The following LRRK1 variants were observed in gnomAD, a reference collection of about 807,000 sequenced individuals.
LRRK1 encodes the protein leucine-rich repeat serine/threonine-protein kinase 1.
Under a neutral mutation model 209.1 loss-of-function variants are expected in LRRK1, and 113 were observed. The observed-to-expected ratio is 0.54, with a 90% CI of 0.46 to 0.63. LRRK1 has a LOEUF of 0.63. Among genes scored for constraint, LRRK1 ranks in the 30% least tolerant of loss-of-function variants. The probability of loss-of-function intolerance (pLI) is 0.00; values close to 1 mark genes in which losing one functional copy is unlikely to be tolerated. For missense variants in LRRK1, 2,284 were observed against 2,632.2 expected, an observed-to-expected ratio of 0.87 and a Z score of 2.89; for synonymous variants, 1,144 against 1,099.7, an observed-to-expected ratio of 1.04 and a Z score of -0.80.
intron 20 of LRRK1, among the ~76,000 whole-genome samples, chr15:101,043,145 G>A (rs1213247274): frequency 2.0e-5 from 3 of 152,206 alleles, no homozygotes; most frequent in Non-Finnish European, 4.4e-5. Context: ...AGAACACGTC[G>A]CCACTCTGCG....
At chr15:100,985,745 G>T (rs776146372) in intron 4 of LRRK1, among the ~76,000 whole-genome samples, 5 of 152,252 alleles carry the variant, frequency 3.3e-5, no homozygotes, top group Admixed American at 6.5e-5. Flanking sequence ...TCTGAGCAAA[G>T]CTGCTGAGGA....
rs373072195 is a variant in LRRK1 at position 101,058,007 on chromosome 15, G to T, written c.4545G>T (p.Ser1515=). 1.9e-6 allele frequency: 3 copies of T among 1,614,154 alleles called. No individual in the cohort carries two copies. The highest frequency in any genetic ancestry group is 2.5e-6 in the Non-Finnish European group (3 of 1,180,008). ...TKPEKRPLAL[S]VVSQMKDPTF... ...TCCCTCAGCGACCGCTGGCCCTGTC[G>T]GTGGTGAGCCAGATGAAGGACCCGA... The change falls in exon 29 of 34, where the codon TCG becomes TCT. Residue 1515 remains serine (S), a synonymous_variant. Transcript: ENST00000388948.
intron 2 of LRRK1, among the ~76,000 whole-genome samples, chr15:100,927,372 C>T (rs1397910531): frequency 6.6e-6 from 1 of 152,220 alleles, no homozygotes; most frequent in Admixed American, 6.5e-5. Flanking sequence ...GAGCTTGGCA[C>T]TGCTCCTTAG....
rs1395843037 is a variant in LRRK1 at position 101,074,807 on chromosome 15, G to C, written c.*5959G>C. ...CCAGAACCTCCTCCCCCAGGAGCTTGCTACAAGTGCCAGAAATCTGGCCAC... is the reference window on the plus strand; with the variant it reads ...CCAGAACCTCCTCCCCCAGGAGCTTCCTACAAGTGCCAGAAATCTGGCCAC... On this transcript the variant is annotated 3_prime_UTR_variant, in exon 34 of 34. Coordinates refer to ENST00000388948, the MANE Select transcript of LRRK1 (RefSeq NM_024652.6). 6.6e-6 allele frequency: 1 copy of C among 152,048 alleles called. No homozygotes were observed. The highest frequency in any genetic ancestry group is 1.5e-5 in the Non-Finnish European group (1 of 68,018). The allele number at this position is 152,048 out of a possible 1,614,324, so 9.4% of individuals were successfully genotyped here.
intron 20 of LRRK1, among the ~76,000 whole-genome samples, chr15:101,030,225 C>T (rs1208545607): frequency 2.0e-5 from 3 of 152,144 alleles, no homozygotes; most frequent in African/African-American, 4.8e-5. Context: ...CCTCTCCTGT[C>T]CTCTGCTGAC....
chr15:100,942,997 C>T (rs2042472072), intron 2 of LRRK1, among the ~76,000 whole-genome samples: 1 of 152,166 alleles, frequency 6.6e-6, no homozygotes, highest in Non-Finnish European at 1.5e-5. Flanking sequence ...TTGGAAGGTG[C>T]TTTTTTCCCG....
chr15:101,046,598 C>T (rs1014877115), intron 21 of LRRK1, among the ~76,000 whole-genome samples: 2 of 152,234 alleles, frequency 1.3e-5, no homozygotes, highest in East Asian at 1.9e-4. Flanking sequence ...CCTGGCTGCA[C>T]GCTAGACTCG....
At chr15:100,930,189 G>A (rs909419525) in intron 2 of LRRK1, among the ~76,000 whole-genome samples, 5 of 152,148 alleles carry the variant, frequency 3.3e-5, no homozygotes, top group African/African-American at 7.2e-5. Flanking sequence ...TAGACAGATC[G>A]GAATCCCTTA....
chr15:101,066,779 C>A, intron 33 of LRRK1, 38 bp downstream of exon 33: 1 of 1,529,688 alleles, frequency 6.5e-7, no homozygotes, highest in Non-Finnish European at 9.1e-7. Context: ...ACCCAGGCAG[C>A]AGCATGAGCA....
chr15:101,044,615 C>T (rs1269597876), intron 20 of LRRK1, among the ~76,000 whole-genome samples: 1 of 152,224 alleles, frequency 6.6e-6, no homozygotes, highest in Admixed American at 6.5e-5. Flanking sequence ...AACCTCTGCC[C>T]TCAAAAACAT....
chr15:100,947,823 C>T (rs773420571), intron 2 of LRRK1, among the ~76,000 whole-genome samples: 3 of 152,172 alleles, frequency 2.0e-5, no homozygotes, highest in Non-Finnish European at 4.4e-5. Context: ...AGATGCAGAA[C>T]ATGATTATCG....
At chr15:101,005,601 T>A (rs1179427707) in intron 6 of LRRK1, among the ~76,000 whole-genome samples, 1 of 152,206 alleles carries the variant, frequency 6.6e-6, no homozygotes, top group African/African-American at 2.4e-5. Flanking sequence ...GGTTTCTAAA[T>A]ACCAATTTTT....
At chr15:100,945,135 T>C (rs1376259181) in intron 2 of LRRK1, among the ~76,000 whole-genome samples, 1 of 152,250 alleles carries the variant, frequency 6.6e-6, no homozygotes, top group African/African-American at 2.4e-5. Flanking sequence ...TAATGCCAGA[T>C]GTCTGTTCCC....
At chr15:100,945,579 C>A (rs887706277) in intron 2 of LRRK1, among the ~76,000 whole-genome samples, 2 of 147,730 alleles carry the variant, frequency 1.4e-5, no homozygotes, top group African/African-American at 5.0e-5. Flanking sequence ...CTGCAACCTC[C>A]GCCTCCTGGG....
In LRRK1 at chr15:101,068,906, CCCTCTG is replaced by C; in HGVS notation, c.*61_*66del. 1.3e-6 allele frequency: 2 copies of C among 1,484,136 alleles called. No homozygotes were observed. 91.9% of individuals were successfully genotyped at this position (1,484,136 alleles called of 1,614,324 possible). On this transcript the variant is annotated 3_prime_UTR_variant, in exon 34 of 34. Transcript: ENST00000388948. ...GGCTGGCCCGGGGCTGCAGCCTGAC[CCCTCTG>C]CCATCGGCCTCTAGTTCTCCAAGGA...
At position 101,028,904 on chromosome 15, in the gene LRRK1, C is replaced by G; in HGVS notation, c.2687-52C>G. 16 of 1,585,480 alleles carry G rather than the reference C, an allele frequency of 1.0e-5. No homozygotes were observed. The South Asian group carries it at 1.8e-4, about 18-fold the overall frequency. On this transcript the variant is annotated intron_variant, in intron 19 of 33. Coordinates refer to ENST00000388948, the MANE Select transcript of LRRK1 (RefSeq NM_024652.6). ...TTGGAAAGAGGGCCACCCCAGAGTC[C>G]CTTTCGCTCCTTTGTCTAACTGCTG...
chr15:100,938,949 G>A (rs1040447148), intron 2 of LRRK1, among the ~76,000 whole-genome samples: 18 of 144,956 alleles, frequency 1.2e-4, no homozygotes, highest in African/African-American at 4.0e-4. Context: ...AAAAACTAGC[G>A]AGGCATGGTG....
At position 100,984,995 on chromosome 15, in the gene LRRK1, G is replaced by A. The variant is rs561347227; in HGVS notation, c.433+1296G>A. 5.3e-5 allele frequency among the ~76,000 whole-genome samples: 8 copies of A among 152,312 alleles called. No homozygotes were observed. The South Asian group carries it at 1.7e-3, about 32-fold the overall frequency. On this transcript the variant is annotated intron_variant, in intron 4 of 33. Transcript: ENST00000388948. ...TACTCTGTACTCACTATCTTAAAAT[G>A]TTTCATGATTTTTAAACAAGAAGCC...
rs543986099 is a variant in LRRK1, at chr15:100,994,583, A to C, written c.762+5185A>C. Among the ~76,000 whole-genome samples, 8 of 152,352 alleles carry C rather than the reference A, an allele frequency of 5.3e-5. No homozygotes were observed. The South Asian group carries it at 1.7e-3, about 32-fold the overall frequency. On this transcript the variant is annotated intron_variant, in intron 6 of 33. Transcript: ENST00000388948. ...GGCATAGAGCATGGAGGAAGCGATT[A>C]CTGCATTTTGTGAATGAAAAGACAA... is the stretch of plus-strand genomic sequence containing the variant.
Sources: gnomAD v4.1 joint callset for allele counts (sites outside exome capture counted in the v4.1 genomes callset) on GRCh38, gnomAD v4.1.1 for gene constraint, MANE v1.5 for transcripts, NCBI Gene and HGNC (gene_info 2026-07-23, HGNC 2026-07-21) for gene names.